FBLN2: variants seen among roughly 807,000 people sequenced by gnomAD.
FBLN2 encodes fibulin 2.
FBLN2 carries 81 observed loss-of-function variants against 123.7 expected under a neutral mutation model. The ratio of observed to expected loss-of-function variants is 0.65; its 90% CI spans 0.55 to 0.79. The LOEUF is 0.79. FBLN2 is among the 30% of genes least tolerant of loss of function. The pLI is 0.00. For synonymous variants in FBLN2, 699 were observed against 701.4 expected, an observed-to-expected ratio of 1.00 and a Z score of 0.05; for missense variants, 1,603 against 1,681.3, an observed-to-expected ratio of 0.95 and a Z score of 0.81.
At chr3:13,592,087 A>G (rs951557413) in intron 2 of FBLN2, among the ~76,000 whole-genome samples, 2 of 148,434 alleles carry the variant, frequency 1.3e-5, no homozygotes, top group Admixed American at 1.4e-4. Context: ...CAGTGGTGCA[A>G]TCTCAGCTCA....
rs554229239 is a variant in FBLN2, at chr3:13,610,570, T to C, written c.1548+928T>C. On this transcript the variant is annotated intron_variant, in intron 4 of 17. Coordinates refer to ENST00000404922, the MANE Select transcript of FBLN2 (RefSeq NM_001004019.2). ...AGGCTGGACCATAAAGGACAGTAAA[T>C]GCTGAGAGCTTTCGGCTTCAAGCAG... 2.3e-4 allele frequency among the ~76,000 whole-genome samples: 35 copies of C among 152,216 alleles called. No homozygotes were observed. In the South Asian group the frequency reaches 6.4e-3, roughly 28 times the overall value.
chr3:13,618,051 T>C (rs1705695819), intron 5 of FBLN2, 25 bp from the exon 6 acceptor site: 1 of 1,610,344 alleles, frequency 6.2e-7, no homozygotes, highest in East Asian at 2.2e-5. Context: ...GCTGGCTCTG[T>C]CTTGAGCTCT....
In FBLN2 at chr3:13,637,551, C is replaced by T; in HGVS notation, c.3339-11C>T. ...GCGAGCTGTGGGTGACCCGGCCTAT[C>T]CTCCCTGCAGGAAGTGCGAGCGCAC... On this transcript the variant is annotated splice_polypyrimidine_tract_variant and intron_variant, in intron 17 of 17. Coordinates refer to ENST00000404922, the MANE Select transcript of FBLN2 (RefSeq NM_001004019.2). 1 of 1,590,576 alleles carries T rather than the reference C, an allele frequency of 6.3e-7. No individual in the cohort carries two copies. The highest frequency in any genetic ancestry group is 8.6e-7 in the Non-Finnish European group (1 of 1,165,242).
intron 7 of FBLN2, among the ~76,000 whole-genome samples, chr3:13,619,519 C>T (rs888757639): frequency 1.3e-5 from 2 of 152,112 alleles, no homozygotes; most frequent in South Asian, 2.1e-4. Flanking sequence ...CCCAGAACGT[C>T]GTCCCCGACG....
rs903277629 is a variant in FBLN2 at position 13,565,919 on chromosome 3, C to T, written c.-41-4396C>T. ...AAAGAGGCTGCTCCAGGTGACACTT[C>T]GGCCAGTGGCATAAGAATGATAATA... is the stretch of plus-strand genomic sequence containing the variant. On this transcript the variant is annotated intron_variant, in intron 1 of 17. Coordinates refer to ENST00000404922, the MANE Select transcript of FBLN2 (RefSeq NM_001004019.2). Among the ~76,000 whole-genome samples the T allele has an allele frequency of 7.2e-5, 11 of 152,360 alleles. 1 individual carries two copies. The East Asian group carries it at 1.7e-3, about 24-fold the overall frequency.
intron 1 of FBLN2, 124 bp from the exon 2 acceptor site, chr3:13,570,191 C>A (rs902059931): frequency 1.9e-6 from 2 of 1,041,876 alleles, no homozygotes; most frequent in African/African-American, 3.2e-5. Context: ...TTAGTGTGCT[C>A]CTGGGGATGA....
At chr3:13,631,596 C>A in intron 16 of FBLN2, 139 bp downstream of exon 16, 1 of 1,053,148 alleles carries the variant, frequency 9.5e-7, no homozygotes, top group Non-Finnish European at 1.3e-6. Flanking sequence ...CCAATGCTAC[C>A]AGTGGCCATG....
At chr3:13,606,656 G>C (rs893370773) in intron 2 of FBLN2, among the ~76,000 whole-genome samples, 3 of 132,482 alleles carry the variant, frequency 2.3e-5, no homozygotes, top group East Asian at 4.2e-4. Flanking sequence ...ATTATATACT[G>C]TATTTTTTTT....
chr3:13,607,487 G>A (rs1705246339), intron 2 of FBLN2, among the ~76,000 whole-genome samples: 1 of 152,292 alleles, frequency 6.6e-6, no homozygotes. Flanking sequence ...AGAGGTGGAA[G>A]AAACTGCTGT....
chr3:13,634,984 A>G (rs1284248003), intron 16 of FBLN2, among the ~76,000 whole-genome samples: 1 of 152,192 alleles, frequency 6.6e-6, no homozygotes, highest in Non-Finnish European at 1.5e-5. Flanking sequence ...TGTTATTGTT[A>G]GGAGTCAGCT....
intron 2 of FBLN2, among the ~76,000 whole-genome samples, chr3:13,577,144 A>G (rs1188538370): frequency 6.8e-6 from 1 of 147,402 alleles, no homozygotes; most frequent in African/African-American, 2.5e-5. Context: ...AATCGCTTGA[A>G]CCCGGGAGGC....
chr3:13,593,338 G>A (rs1275387688), intron 2 of FBLN2, among the ~76,000 whole-genome samples: 2 of 152,172 alleles, frequency 1.3e-5, no homozygotes, highest in South Asian at 2.1e-4. Flanking sequence ...TTTCAAGTTT[G>A]TCTCTGGTAG....
chr3:13,549,537 C>A (rs1703267084), intron 1 of FBLN2, among the ~76,000 whole-genome samples: 1 of 151,840 alleles, frequency 6.6e-6, no homozygotes. Context: ...CCCCCTGGGC[C>A]GGCTCCCACC....
At chr3:13,615,773 G>A (rs141042212) in intron 5 of FBLN2, among the ~76,000 whole-genome samples, 48 of 152,316 alleles carry the variant, frequency 3.2e-4, no homozygotes, top group African/African-American at 1.1e-3. Context: ...GGCACATGCC[G>A]GGTCTTTGGC....
intron 2 of FBLN2, among the ~76,000 whole-genome samples, chr3:13,579,433 C>T (rs1704250565): frequency 6.6e-6 from 1 of 152,204 alleles, no homozygotes; most frequent in Admixed American, 6.5e-5. Context: ...CCTTATGGAT[C>T]CCTGAAAGGG....
At chr3:13,600,036 A>AGAGAGC (rs1422151008) in intron 2 of FBLN2, among the ~76,000 whole-genome samples, 4,543 of 144,380 alleles carry the variant, frequency 0.031, 296 homozygotes, top group African/African-American at 0.12. Flanking sequence ...AGAGAGAGAG[A>AGAGAGC]GAGAGAGAGC....
At position 13,612,892 on chromosome 3, in the gene FBLN2, C is replaced by T. The variant is rs114667442; in HGVS notation, c.1549-1092C>T. ...TAACATACCATCCAAAACCTAGTGG[C>T]CTGTTGCTGGCTTAATGCATGAATT... On this transcript the variant is annotated intron_variant, in intron 4 of 17. Coordinates refer to ENST00000404922, the MANE Select transcript of FBLN2 (RefSeq NM_001004019.2). Among the ~76,000 whole-genome samples, 1,155 of 152,216 alleles carry T rather than the reference C, an allele frequency of 7.6e-3. 22 individuals are homozygous for T. The highest frequency in any genetic ancestry group is 0.026 in the African/African-American group (1,098 of 41,524).
intron 4 of FBLN2, among the ~76,000 whole-genome samples, chr3:13,612,294 CCTTT>C (rs67522122): frequency 0.091 from 10,628 of 117,168 alleles, 542 homozygotes; most frequent in East Asian, 0.21. Flanking sequence ...CTTTTATTTT[CCTTT>C]CTTTCTTTCT....
At chr3:13,635,194 G>A (rs1434312057) in intron 16 of FBLN2, among the ~76,000 whole-genome samples, 1 of 152,152 alleles carries the variant, frequency 6.6e-6, no homozygotes, top group Non-Finnish European at 1.5e-5. Context: ...GTGTCAATAT[G>A]GAGGATTGGA....
Sources: allele counts gnomAD v4.1 joint callset (sites outside exome capture counted in the v4.1 genomes callset), GRCh38; gene constraint gnomAD v4.1.1; transcripts MANE v1.5; gene names NCBI Gene and HGNC (gene_info 2026-07-23, HGNC 2026-07-21).